MCTP1: variants seen among roughly 807,000 people sequenced by gnomAD.
MCTP1 encodes the protein multiple C2 and transmembrane domain-containing protein 1.
In MCTP1, 69 loss-of-function variants were observed where a neutral mutation model predicts 120.6. That is an observed-to-expected ratio of 0.57 (90% CI 0.47 to 0.70). MCTP1 has a LOEUF of 0.70. Among genes scored for constraint, MCTP1 ranks in the 30% least tolerant of loss-of-function variants. The pLI is 0.00. For missense variants in MCTP1, 1,203 were observed against 1,248.8 expected, an observed-to-expected ratio of 0.96 and a Z score of 0.55; for synonymous variants, 529 against 493.1, an observed-to-expected ratio of 1.07 and a Z score of -0.96.
chr5:95,188,500 C>G (rs1476509679), intron 1 of MCTP1, among the ~76,000 whole-genome samples: 2 of 152,172 alleles, frequency 1.3e-5, no homozygotes, highest in Non-Finnish European at 2.9e-5. Context: ...AAACTAGAAA[C>G]AACCTTCGAT....
Position 94,820,284 on chromosome 5 carries a change from A to C in MCTP1, c.2437-21152T>G, listed in dbSNP as rs1270281928. Among the ~76,000 whole-genome samples, 4 of 152,208 alleles carry C rather than the reference A, an allele frequency of 2.6e-5. No homozygotes were observed. The South Asian group carries it at 8.3e-4, about 32-fold the overall frequency. On this transcript the variant is annotated intron_variant, in intron 17 of 22. Coordinates refer to ENST00000515393, the MANE Select transcript of MCTP1 (RefSeq NM_024717.7). ...TTATTTTTGGCAGATGCTCTGAAGC[A>C]CTCAAGTTAGTTACAGTTAACCACT...
rs1250281488 is a variant in MCTP1, at chr5:95,227,052, AAT to A, written c.720+56802_720+56803del. Among the ~76,000 whole-genome samples the A allele has an allele frequency of 2.0e-5, 3 of 152,304 alleles. No individual in the cohort carries two copies. In the East Asian group the frequency reaches 5.8e-4, roughly 29 times the overall value. On this transcript the variant is annotated intron_variant, in intron 1 of 22. Transcript: ENST00000515393. ...CCAGCCTCTGTCAGCCTCTTAGACAAATAGACTCAGGCCCATTAAGCCTTGGA... is the reference window on the plus strand; with the variant it reads ...CCAGCCTCTGTCAGCCTCTTAGACAAAGACTCAGGCCCATTAAGCCTTGGA...
intron 17 of MCTP1, among the ~76,000 whole-genome samples, chr5:94,827,762 T>A (rs1787525360): frequency 6.6e-6 from 1 of 151,746 alleles, no homozygotes; most frequent in Non-Finnish European, 1.5e-5. Flanking sequence ...GGTTTTGGGA[T>A]TGATACTTGT....
At chr5:94,745,539 T>G (rs1766692808) in intron 19 of MCTP1, among the ~76,000 whole-genome samples, 1 of 152,098 alleles carries the variant, frequency 6.6e-6, no homozygotes, top group Non-Finnish European at 1.5e-5. Context: ...GAAAGAAAGG[T>G]GGAGAGGAAA....
At position 94,854,138 on chromosome 5, in the gene MCTP1, G is replaced by A. The variant is rs189473915; in HGVS notation, c.2436+14195C>T. On this transcript the variant is annotated intron_variant, in intron 17 of 22. Coordinates refer to ENST00000515393, the MANE Select transcript of MCTP1 (RefSeq NM_024717.7). ...TGTTGCATAATGGGCCTTTACCATA[G>A]ATTATTTCTCCCTCCTTACTCAGTA... Among the ~76,000 whole-genome samples, 36 of 151,936 alleles carry A rather than the reference G, an allele frequency of 2.4e-4. No homozygotes were observed. The East Asian group carries it at 6.4e-3, about 27-fold the overall frequency.
At chr5:95,138,243 G>C (rs778448970) in intron 1 of MCTP1, among the ~76,000 whole-genome samples, 10 of 117,740 alleles carry the variant, frequency 8.5e-5, no homozygotes, top group Admixed American at 4.0e-4. Flanking sequence ...ACCCCCCCCC[G>C]ACATTAAAAT....
chr5:94,867,371 C>G (rs1797021853), intron 17 of MCTP1: 2 of 1,527,482 alleles, frequency 1.3e-6, no homozygotes, highest in Non-Finnish European at 1.8e-6. Flanking sequence ...TAATGAAAGT[C>G]CCATACAAGG....
At chr5:94,743,795 A>G (rs908224827) in intron 19 of MCTP1, among the ~76,000 whole-genome samples, 3 of 151,342 alleles carry the variant, frequency 2.0e-5, no homozygotes, top group South Asian at 2.1e-4. Flanking sequence ...CTGCCACCAC[A>G]CCCGGCTAAT....
chr5:94,750,328 A>C (rs926558036), intron 19 of MCTP1, among the ~76,000 whole-genome samples: 2 of 152,162 alleles, frequency 1.3e-5, no homozygotes, highest in Non-Finnish European at 2.9e-5. Flanking sequence ...TTCAAATTAC[A>C]TATCTGGGGG....
chr5:94,775,223 C>T (rs1158202454), intron 19 of MCTP1, among the ~76,000 whole-genome samples: 1 of 152,144 alleles, frequency 6.6e-6, no homozygotes, highest in Non-Finnish European at 1.5e-5. Flanking sequence ...ACTAGAATGC[C>T]ACGCATTTGA....
intron 1 of MCTP1, among the ~76,000 whole-genome samples, chr5:95,275,580 A>G (rs1256817088): frequency 1.3e-5 from 2 of 152,232 alleles, no homozygotes; most frequent in African/African-American, 4.8e-5. Flanking sequence ...TAACTTTAAT[A>G]TTATATTTAA....
At chr5:95,024,094 T>C (rs555521076) in intron 1 of MCTP1, 13 of 450,202 alleles carry the variant, frequency 2.9e-5, no homozygotes, top group Middle Eastern at 3.4e-4. Flanking sequence ...CAGAAGCTTT[T>C]CAATTTGATG....
At chr5:94,797,604 C>T (rs749573360) in intron 18 of MCTP1, among the ~76,000 whole-genome samples, 20 of 152,194 alleles carry the variant, frequency 1.3e-4, no homozygotes, top group Non-Finnish European at 2.4e-4. Context: ...ATACTAATAA[C>T]GTCTTGTCTA....
chr5:94,758,915 A>C (rs972879342), intron 19 of MCTP1, among the ~76,000 whole-genome samples: 1 of 152,200 alleles, frequency 6.6e-6, no homozygotes, highest in African/African-American at 2.4e-5. Context: ...ATACACTAAA[A>C]ACAGATATTA....
Position 95,062,442 on chromosome 5 carries a change from A to C in MCTP1, c.721-44958T>G, listed in dbSNP as rs182234204. 1.7e-3 allele frequency among the ~76,000 whole-genome samples: 266 copies of C among 152,320 alleles called. 1 individual carries two copies. The highest frequency in any genetic ancestry group is 6.2e-3 in the African/African-American group (258 of 41,568). ...ATTTTTTTTGGTTCAAGCAGCATGA[A>C]GTCCAGTTGAGGCTATAAGGAAAAG... On this transcript the variant is annotated intron_variant, in intron 1 of 22. Coordinates refer to ENST00000515393, the MANE Select transcript of MCTP1 (RefSeq NM_024717.7).
At chr5:94,725,174 T>C (rs1761853969) in intron 19 of MCTP1, among the ~76,000 whole-genome samples, 1 of 152,166 alleles carries the variant, frequency 6.6e-6, no homozygotes, top group South Asian at 2.1e-4. Context: ...TCACTGCCTG[T>C]CCTTAGACCT....
intron 1 of MCTP1, among the ~76,000 whole-genome samples, chr5:95,243,767 A>C (rs181204993): frequency 4.6e-5 from 7 of 152,312 alleles, no homozygotes; most frequent in Middle Eastern, 3.4e-3. Context: ...GATGGGAAGA[A>C]TTTGGTGATG....
chr5:95,009,239 T>C (rs1287620777), intron 2 of MCTP1, among the ~76,000 whole-genome samples: 3 of 152,168 alleles, frequency 2.0e-5, no homozygotes, highest in African/African-American at 7.2e-5. Context: ...GAAACTACTA[T>C]ATCCGCCATG....
intron 17 of MCTP1, among the ~76,000 whole-genome samples, chr5:94,864,694 G>T (rs1796479027): frequency 6.6e-6 from 1 of 151,890 alleles, no homozygotes; most frequent in Non-Finnish European, 1.5e-5. Context: ...TGGACAGATG[G>T]TACCACAAAT....
Sources: gnomAD v4.1 joint callset for allele counts (sites outside exome capture counted in the v4.1 genomes callset) on GRCh38, gnomAD v4.1.1 for gene constraint, MANE v1.5 for transcripts, NCBI Gene and HGNC (gene_info 2026-07-23, HGNC 2026-07-21) for gene names.